The following TEK variants were observed in gnomAD, a reference collection of about 807,000 sequenced individuals.
The protein encoded by TEK is TEK receptor tyrosine kinase.
Under a neutral mutation model 131.8 loss-of-function variants are expected in TEK, and 43 were observed. That is an observed-to-expected ratio of 0.33 (90% confidence interval 0.26 to 0.42). The LOEUF is 0.42. Ranked by LOEUF, TEK falls within the 10% of genes least tolerant of loss-of-function variation. The pLI is 1.00. For synonymous variants in TEK, 580 were observed against 491.6 expected, an observed-to-expected ratio of 1.18 and a Z score of -2.38; for missense variants, 1,162 against 1,384.4, an observed-to-expected ratio of 0.84 and a Z score of 2.55.
intron 1 of TEK, among the ~76,000 whole-genome samples, chr9:27,154,834 G>T (rs955958542): frequency 1.3e-5 from 2 of 152,148 alleles, no homozygotes; most frequent in Admixed American, 6.5e-5. Context: ...CAGACTCCCA[G>T]AGGCCACAAT....
At chr9:27,208,710 C>T (rs549040567) in intron 15 of TEK, among the ~76,000 whole-genome samples, 3 of 152,160 alleles carry the variant, frequency 2.0e-5, no homozygotes, top group Non-Finnish European at 4.4e-5. Context: ...GCTGGAAGAG[C>T]TAAAATCTAA....
intron 16 of TEK, among the ~76,000 whole-genome samples, chr9:27,212,411 C>T (rs566665706): frequency 9.9e-5 from 15 of 152,148 alleles, no homozygotes; most frequent in Non-Finnish European, 1.9e-4. Context: ...ACTCACTCTA[C>T]TGTTATTACT....
rs771578973 is a variant in TEK, at chr9:27,183,531, C to G, written c.1103C>G (p.Pro368Arg). 1 of 1,613,818 alleles carries G rather than the reference C, an allele frequency of 6.2e-7. No homozygotes were observed. The highest frequency in any genetic ancestry group is 8.5e-7 in the Non-Finnish European group (1 of 1,179,836). The change falls in exon 8 of 23, where the codon CCC (proline) becomes CGC (arginine). Residue 368 changes from proline (P) to arginine (R), a missense_variant. Pro to Arg is a moderately radical substitution (Grantham distance 103). Coordinates refer to ENST00000380036, the MANE Select transcript of TEK (RefSeq NM_000459.5). ...GAAGTAAACAGTGGTAAATTTAATC[C>G]CATTTGCAAAGCTTCTGGCTGGCCG... ...HIEVNSGKFNPICKASGWPLP... is the reference protein window; with the variant it reads ...HIEVNSGKFNRICKASGWPLP...
chr9:27,133,189 G>A (rs1285517211), intron 1 of TEK, among the ~76,000 whole-genome samples: 6 of 152,144 alleles, frequency 3.9e-5, no homozygotes, highest in Non-Finnish European at 7.3e-5. Context: ...GAAGGATGGA[G>A]TGAGGAATGG....
At chr9:27,142,891 G>A (rs938369857) in intron 1 of TEK, among the ~76,000 whole-genome samples, 2 of 152,168 alleles carry the variant, frequency 1.3e-5, no homozygotes, top group Admixed American at 6.5e-5. Context: ...AACAATGCAC[G>A]TTAAAGTAAC....
At chr9:27,160,467 T>A (rs182980463) in intron 2 of TEK, among the ~76,000 whole-genome samples, 5 of 152,300 alleles carry the variant, frequency 3.3e-5, no homozygotes, top group East Asian at 1.9e-4. Flanking sequence ...TCACCTGTAG[T>A]TCTTGTAAAC....
chr9:27,203,161 G>A (rs1277893956), intron 13 of TEK, 42 bp downstream of exon 13: 1 of 1,605,034 alleles, frequency 6.2e-7, no homozygotes, highest in African/African-American at 1.3e-5. Flanking sequence ...TTACCGTGCA[G>A]CCCTATAGGC....
intron 6 of TEK, among the ~76,000 whole-genome samples, chr9:27,176,894 A>G (rs1252066573): frequency 6.6e-6 from 1 of 152,140 alleles, no homozygotes; most frequent in Non-Finnish European, 1.5e-5. Context: ...CTGCTTCTAT[A>G]AGTTTGACTT....
chr9:27,143,814 C>T (rs1822814934), intron 1 of TEK, among the ~76,000 whole-genome samples: 1 of 152,146 alleles, frequency 6.6e-6, no homozygotes, highest in African/African-American at 2.4e-5. Flanking sequence ...TACTGGCTAC[C>T]AGGTTTATAT....
intron 2 of TEK, among the ~76,000 whole-genome samples, chr9:27,161,267 T>C (rs1823538277): frequency 6.6e-6 from 1 of 152,248 alleles, no homozygotes. Context: ...TATGCTCACT[T>C]GAGTTTTAAT....
chr9:27,161,695 A>G (rs994941093), intron 2 of TEK, among the ~76,000 whole-genome samples: 11 of 152,242 alleles, frequency 7.2e-5, no homozygotes, highest in African/African-American at 2.7e-4. Context: ...CAGGGCACAG[A>G]GTAGAGGTAT....
At chr9:27,175,952 GA>G (rs1302138187) in intron 6 of TEK, among the ~76,000 whole-genome samples, 1 of 152,104 alleles carries the variant, frequency 6.6e-6, no homozygotes, top group African/African-American at 2.4e-5. Context: ...TGTTCACTCT[GA>G]TGGTAGTTTC....
chr9:27,124,985 G>A (rs1821936726), intron 1 of TEK, among the ~76,000 whole-genome samples: 1 of 152,154 alleles, frequency 6.6e-6, no homozygotes, highest in Non-Finnish European at 1.5e-5. Flanking sequence ...ACAGTCCCCA[G>A]TCGCTCATTT....
At chr9:27,195,181 G>A (rs1824959243) in intron 11 of TEK, among the ~76,000 whole-genome samples, 1 of 152,120 alleles carries the variant, frequency 6.6e-6, no homozygotes, top group Non-Finnish European at 1.5e-5. Context: ...TACAGAGAAA[G>A]GGCCATCAGA....
At chr9:27,127,371 A>G (rs1822027508) in intron 1 of TEK, among the ~76,000 whole-genome samples, 1 of 152,340 alleles carries the variant, frequency 6.6e-6, no homozygotes, top group South Asian at 2.1e-4. Context: ...TATCCAGTCT[A>G]TCATTGATGG....
At chr9:27,196,882 C>T (rs541444972) in intron 11 of TEK, among the ~76,000 whole-genome samples, 1 of 130,798 alleles carries the variant, frequency 7.6e-6, no homozygotes, top group East Asian at 2.3e-4. Context: ...TTTTATTATA[C>T]TTTAAGTTTT....
At chr9:27,183,260 G>A (rs190597460) in intron 7 of TEK, among the ~76,000 whole-genome samples, 199 bp from the exon 8 acceptor site, 136 of 152,262 alleles carry the variant, frequency 8.9e-4, no homozygotes, top group South Asian at 2.9e-3. Context: ...TCTGGGCTGT[G>A]AGCCTCTGTC....
intron 2 of TEK, among the ~76,000 whole-genome samples, chr9:27,164,766 C>A (rs1823667623): frequency 6.6e-6 from 1 of 152,050 alleles, no homozygotes. Flanking sequence ...AAACTCCTGG[C>A]CTTAAGAGAT....
chr9:27,223,762 A>T (rs1826186977), intron 21 of TEK, among the ~76,000 whole-genome samples: 2 of 152,218 alleles, frequency 1.3e-5, no homozygotes, highest in African/African-American at 4.8e-5. Context: ...AGAAATAACT[A>T]AGATCAGAGC....
Sources: gnomAD v4.1 joint callset for allele counts (sites outside exome capture counted in the v4.1 genomes callset) on GRCh38, gnomAD v4.1.1 for gene constraint, MANE v1.5 for transcripts, NCBI Gene and HGNC (gene_info 2026-07-23, HGNC 2026-07-21) for gene names.